PLEKHG1: variants seen among roughly 807,000 people sequenced by gnomAD.
PLEKHG1 encodes the protein pleckstrin homology and RhoGEF domain containing G1, also known as pleckstrin homology domain-containing family G member 1.
Under a neutral mutation model 100.8 loss-of-function variants are expected in PLEKHG1, and 44 were observed. The ratio of observed to expected loss-of-function variants is 0.44; its 90% CI spans 0.34 to 0.56. The LOEUF is 0.56. PLEKHG1 is among the 20% of genes least tolerant of loss of function. The pLI is 0.01. For synonymous variants in PLEKHG1, 640 were observed against 662.5 expected (o/e 0.97, Z 0.52); for missense variants, 1,545 against 1,720.9 (o/e 0.90, Z 1.81).
intron 3 of PLEKHG1, among the ~76,000 whole-genome samples, chr6:150,679,762 G>A (rs1222108682): frequency 6.6e-6 from 1 of 152,196 alleles, no homozygotes; most frequent in East Asian, 1.9e-4. Context: ...AACTAGACTA[G>A]TAGGAGAGAT....
At chr6:150,718,958 T>C (rs1781549383), upstream of PLEKHG1, among the ~76,000 whole-genome samples, 1 of 152,116 alleles carries the variant, frequency 6.6e-6, no homozygotes, top group Non-Finnish European at 1.5e-5. Context: ...ATTTAAAAAA[T>C]GAAATTCAAC....
At chr6:150,820,592 CG>C (rs1345857338) in intron 12 of PLEKHG1, among the ~76,000 whole-genome samples, 2 of 152,000 alleles carry the variant, frequency 1.3e-5, no homozygotes, top group Non-Finnish European at 2.9e-5. Flanking sequence ...AGGCCGGGCG[CG>C]GTGGCTCACA....
At chr6:150,744,943 A>G (rs954294026) in intron 2 of PLEKHG1, among the ~76,000 whole-genome samples, 1 of 152,212 alleles carries the variant, frequency 6.6e-6, no homozygotes, top group African/African-American at 2.4e-5. Context: ...CTCCCATATC[A>G]AATGTCTAAG....
At chr6:150,633,548 A>G (rs567737051) in intron 1 of PLEKHG1, among the ~76,000 whole-genome samples, 80 of 152,302 alleles carry the variant, frequency 5.3e-4, no homozygotes, top group African/African-American at 1.9e-3. Flanking sequence ...ACTGGGAAAC[A>G]TAAGTCTGGA....
chr6:150,755,685 C>T lies in PLEKHG1; in HGVS notation c.412-12953C>T, dbSNP rs75417091. On this transcript the variant is annotated intron_variant, in intron 2 of 15. Coordinates refer to ENST00000358517, the Ensembl canonical transcript of PLEKHG1. ...ACGGAGCCTCAGCAAGGAAGTAACT[C>T]GCCCAGGGCCTGAGTCCTAGACCCA... is the stretch of plus-strand genomic sequence containing the variant. Among the ~76,000 whole-genome samples the T allele has an allele frequency of 5.0e-3, 758 of 152,208 alleles. 5 individuals carry two copies. Among genetic ancestry groups the T allele is most frequent in the African/African-American group, 0.017 (724 of 41,528 alleles).
At chr6:150,840,666 G>A (rs1323276642) in exon 16 of PLEKHG1, 3 of 1,614,056 alleles carry the variant, frequency 1.9e-6, no homozygotes, top group Admixed American at 3.3e-5. Context: ...TGTGGATGCT[G>A]ACTTTTCTGA....
intron 3 of PLEKHG1, among the ~76,000 whole-genome samples, chr6:150,667,045 A>C (rs1335558523): frequency 6.6e-6 from 1 of 152,130 alleles, no homozygotes; most frequent in African/African-American, 2.4e-5. Context: ...GGCGTGAGCC[A>C]CTGCGCCCAG....
chr6:150,735,178 G>T (rs1022917601), intron 2 of PLEKHG1, among the ~76,000 whole-genome samples: 4 of 151,858 alleles, frequency 2.6e-5, no homozygotes, highest in African/African-American at 9.7e-5. Flanking sequence ...TAAAGATGGG[G>T]TTTCACCATG....
intron 3 of PLEKHG1, among the ~76,000 whole-genome samples, chr6:150,783,795 G>A (rs1039140215): frequency 2.0e-5 from 3 of 152,072 alleles, no homozygotes; most frequent in Non-Finnish European, 4.4e-5. Context: ...AATGAAAACC[G>A]AGAACCTGTT....
chr6:150,738,006 A>G (rs1398240608), intron 2 of PLEKHG1, among the ~76,000 whole-genome samples: 1 of 150,070 alleles, frequency 6.7e-6, no homozygotes, highest in Non-Finnish European at 1.5e-5. Flanking sequence ...TAGAGACAGG[A>G]TCTCAATATG....
intron 7 of PLEKHG1, among the ~76,000 whole-genome samples, chr6:150,805,820 C>A (rs1787053320): frequency 6.6e-6 from 1 of 152,186 alleles, no homozygotes; most frequent in South Asian, 2.1e-4. Flanking sequence ...AGCCACCGCA[C>A]CTGACAGTTT....
rs147432457 is a variant in PLEKHG1, at chr6:150,648,282, G to A, written c.-157-2446G>A. ...ATTCAACCTCGTCACCTGCTGATGG[G>A]GATAATTTGGCTGTTTATTTTCTTT... is the stretch of plus-strand genomic sequence containing the variant. On this transcript the variant is annotated intron_variant, in intron 2 of 3. Transcript: ENST00000367326. 3.2e-3 allele frequency among the ~76,000 whole-genome samples: 488 copies of A among 152,002 alleles called. 3 individuals carry two copies. Among genetic ancestry groups the A allele is most frequent in the African/African-American group, 0.011 (471 of 41,482 alleles).
At chr6:150,791,238 A>G (rs1785962042) in intron 4 of PLEKHG1, among the ~76,000 whole-genome samples, 1 of 152,182 alleles carries the variant, frequency 6.6e-6, no homozygotes, top group African/African-American at 2.4e-5. Context: ...GGTAATTCTG[A>G]TACTCAAGTT....
intron 2 of PLEKHG1, among the ~76,000 whole-genome samples, chr6:150,760,359 G>C (rs1184735752): frequency 1.3e-5 from 2 of 152,054 alleles, no homozygotes; most frequent in Admixed American, 6.6e-5. Context: ...GTTTAAAAAA[G>C]AAATAAAAAG....
intron 3 of PLEKHG1, among the ~76,000 whole-genome samples, chr6:150,784,365 T>C (rs1427115580): frequency 6.6e-6 from 1 of 152,148 alleles, no homozygotes; most frequent in Non-Finnish European, 1.5e-5. Flanking sequence ...GGTAGACAAA[T>C]AGCTCCCTGA....
Position 150,669,482 on chromosome 6 carries a change from T to C in PLEKHG1, c.-99+18696T>C, listed in dbSNP as rs75878851. On this transcript the variant is annotated intron_variant, in intron 3 of 3. Coordinates refer to the PLEKHG1 transcript ENST00000367326. ...ATGGATAAAATAACGCGACGTTCTT[T>C]GGGGTTAAATTTTTGCCTAAATTAC... Among the ~76,000 whole-genome samples the C allele has an allele frequency of 3.0e-3, 460 of 152,260 alleles. 3 individuals carry two copies. Among genetic ancestry groups the C allele is most frequent in the African/African-American group, 0.01 (433 of 41,548 alleles).
exon 16 of PLEKHG1, chr6:150,840,708 T>C: frequency 1.2e-6 from 2 of 1,614,180 alleles, no homozygotes; most frequent in Non-Finnish European, 1.7e-6. Context: ...ATTGCATTCT[T>C]TGAATAGTCC....
At chr6:150,618,316 A>C (rs1294694712) in intron 1 of PLEKHG1, among the ~76,000 whole-genome samples, 1 of 152,238 alleles carries the variant, frequency 6.6e-6, no homozygotes, top group Non-Finnish European at 1.5e-5. Context: ...TGAATGCTGG[A>C]TGAATATTTT....
intron 2 of PLEKHG1, among the ~76,000 whole-genome samples, chr6:150,640,163 G>A (rs1482021827): frequency 4.6e-5 from 7 of 152,250 alleles, no homozygotes; most frequent in African/African-American, 7.2e-5. Flanking sequence ...CAGTAGGACC[G>A]ATCACCTGAT....
Sources: gnomAD v4.1 joint callset for allele counts (sites outside exome capture counted in the v4.1 genomes callset) on GRCh38, gnomAD v4.1.1 for gene constraint, MANE v1.5 for transcripts, NCBI Gene and HGNC (gene_info 2026-07-23, HGNC 2026-07-21) for gene names.